NPSR1: variants seen among roughly 807,000 people sequenced by gnomAD.
NPSR1 encodes neuropeptide S receptor.
A neutral mutation model predicts 46.9 loss-of-function variants in NPSR1; 48 were observed. That is an observed-to-expected ratio of 1.02 (90% CI 0.81 to 1.30). The LOEUF (loss-of-function observed/expected upper bound fraction) is 1.30. NPSR1 is among the 50% of genes most tolerant of loss of function. The probability of loss-of-function intolerance (pLI) is 0.00; values close to 1 mark genes in which losing one functional copy is unlikely to be tolerated. For synonymous variants in NPSR1, 176 were observed against 168.1 expected, an observed-to-expected ratio of 1.05 and a Z score of -0.36; for missense variants, 450 against 449.5, an observed-to-expected ratio of 1.00 and a Z score of -0.01.
chr7:34,694,938 G>C (rs1562657259), intron 2 of NPSR1, among the ~76,000 whole-genome samples: 1 of 152,170 alleles, frequency 6.6e-6, no homozygotes, highest in Non-Finnish European at 1.5e-5. Context: ...TTGATCTCTT[G>C]ACCTTGTGAT....
intron 2 of NPSR1, chr7:34,704,216 A>G (rs958277378): frequency 6.6e-6 from 1 of 152,198 alleles, no homozygotes; most frequent in African/African-American, 2.4e-5. Context: ...TTTGAGTTGC[A>G]TTCTCAATAC....
In NPSR1 at chr7:34,778,498, TTAA is replaced by T. The variant is rs1562720192; in HGVS notation, c.319_321del (p.Asn107del). The T allele has an allele frequency of 1.9e-6, 3 of 1,612,490 alleles. No homozygotes were observed. The highest frequency in any genetic ancestry group is 2.5e-6 in the Non-Finnish European group (3 of 1,178,836). Reference sequence around the variant, plus strand: ...GGACTGGTCAACATCTTGACAGATATTAATTGGCGATTCACTGGAGACTTCACG... The same window carrying T: ...GGACTGGTCAACATCTTGACAGATATTTGGCGATTCACTGGAGACTTCACG... On this transcript the variant is annotated inframe_deletion, in exon 3 of 9. Transcript: ENST00000360581.
chr7:34,814,532 A>G (rs545951148), intron 4 of NPSR1, among the ~76,000 whole-genome samples: 8 of 152,348 alleles, frequency 5.3e-5, no homozygotes, highest in African/African-American at 1.9e-4. Flanking sequence ...AGCTCTGAAG[A>G]GCACAGTGGT....
chr7:34,712,325 T>C (rs887505238), intron 2 of NPSR1, among the ~76,000 whole-genome samples: 3 of 152,356 alleles, frequency 2.0e-5, no homozygotes, highest in African/African-American at 4.8e-5. Context: ...ACTCTACTTT[T>C]CCATTTTTCA....
intron 4 of NPSR1, among the ~76,000 whole-genome samples, chr7:34,815,517 T>C (rs1244827950): frequency 1.3e-5 from 2 of 152,074 alleles, no homozygotes; most frequent in Non-Finnish European, 2.9e-5. Context: ...TATCCAGAAC[T>C]TGCCCAAAAT....
At chr7:34,751,513 A>G in intron 2 of NPSR1, 1 of 1,483,000 alleles carries the variant, frequency 6.7e-7, no homozygotes, top group South Asian at 1.1e-5. Flanking sequence ...AACCAGCCCC[A>G]GCTCCTCCTC....
chr7:34,853,003 A>C (rs1163870536), downstream of NPSR1, among the ~76,000 whole-genome samples: 3 of 152,358 alleles, frequency 2.0e-5, no homozygotes, highest in Admixed American at 2.0e-4. Flanking sequence ...GTTTACTTTC[A>C]CTAAGCAACA....
At chr7:34,660,845 TTGACTCATCCCTCCC>T (rs35047701) in intron 1 of NPSR1, among the ~76,000 whole-genome samples, 42,584 of 151,676 alleles carry the variant, frequency 0.28, 7,549 homozygotes, top group African/African-American at 0.51. Flanking sequence ...GAAGCCCTCC[TTGACTCATCCCTCCC>T]TGACTCATCC....
At chr7:34,831,622 C>T (rs148244743) in intron 5 of NPSR1, among the ~76,000 whole-genome samples, 1 of 152,046 alleles carries the variant, frequency 6.6e-6, no homozygotes, top group South Asian at 2.1e-4. Context: ...TAGTGACTGA[C>T]AGCAAAGGCA....
intron 3 of NPSR1, among the ~76,000 whole-genome samples, chr7:34,791,160 A>ATATATGTTATATATTATATTATATATGT (rs1392306855): frequency 1.8e-4 from 18 of 102,056 alleles, no homozygotes; most frequent in Non-Finnish European, 2.5e-4. Flanking sequence ...GTTATATATT[A>ATATATGTTATATATTATATTATATATGT]TATATGTTAT....
At chr7:34,668,909 G>C (rs1042294443) in intron 1 of NPSR1, among the ~76,000 whole-genome samples, 1 of 152,108 alleles carries the variant, frequency 6.6e-6, no homozygotes, top group Non-Finnish European at 1.5e-5. Context: ...CCTCCTGCTC[G>C]GAAAGGCAGG....
At chr7:34,724,776 A>T (rs1784049070) in intron 2 of NPSR1, among the ~76,000 whole-genome samples, 1 of 152,188 alleles carries the variant, frequency 6.6e-6, no homozygotes, top group Non-Finnish European at 1.5e-5. Context: ...TGATATAAGA[A>T]AAGTGCTTAG....
intron 2 of NPSR1, among the ~76,000 whole-genome samples, chr7:34,770,807 G>A (rs547902912): frequency 1.3e-5 from 2 of 152,288 alleles, no homozygotes; most frequent in South Asian, 2.1e-4. Flanking sequence ...CAGTTCTGGA[G>A]GCTGGGAAGT....
chr7:34,756,187 C>G (rs1036774598), intron 2 of NPSR1, among the ~76,000 whole-genome samples: 19 of 152,170 alleles, frequency 1.2e-4, no homozygotes, highest in Admixed American at 2.0e-4. Context: ...CCCACCGCCC[C>G]CCTACTTCCT....
chr7:34,790,999 ATGT>A (rs1787790590), intron 3 of NPSR1, among the ~76,000 whole-genome samples: 1 of 123,128 alleles, frequency 8.1e-6, no homozygotes, highest in African/African-American at 3.3e-5. Flanking sequence ...TATATGTTAT[ATGT>A]TATATGTTAT....
chr7:34,829,857 G>A (rs1790034255), intron 5 of NPSR1, among the ~76,000 whole-genome samples: 1 of 152,194 alleles, frequency 6.6e-6, no homozygotes, highest in Non-Finnish European at 1.5e-5. Context: ...AAAGCCTCTG[G>A]AAGGCCAGAT....
intron 6 of NPSR1, among the ~76,000 whole-genome samples, chr7:34,837,207 A>G (rs1247837801): frequency 6.6e-6 from 1 of 152,238 alleles, no homozygotes; most frequent in Non-Finnish European, 1.5e-5. Context: ...TACAATTGAA[A>G]CAATTGCCCT....
intron 3 of NPSR1, among the ~76,000 whole-genome samples, chr7:34,780,396 C>T (rs1020067497): frequency 2.0e-5 from 3 of 151,926 alleles, no homozygotes; most frequent in Non-Finnish European, 4.4e-5. Flanking sequence ...ACTGTATCTA[C>T]AATAAATGTT....
intron 8 of NPSR1, among the ~76,000 whole-genome samples, chr7:34,877,349 G>A (rs1254029073): frequency 2.0e-5 from 3 of 152,198 alleles, no homozygotes; most frequent in African/African-American, 2.4e-5. Flanking sequence ...AAAGAAGGTG[G>A]CCCACTCCTG....
Sources: allele counts gnomAD v4.1 joint callset (sites outside exome capture counted in the v4.1 genomes callset), GRCh38; gene constraint gnomAD v4.1.1; transcripts MANE v1.5; gene names NCBI Gene and HGNC (gene_info 2026-07-23, HGNC 2026-07-21).